Variants in FREM3 observed in about 807,000 individuals in gnomAD.
FREM3 encodes the protein FRAS1 related extracellular matrix 3, also known as FRAS1-related extracellular matrix protein 3.
A neutral mutation model predicts 129.1 loss-of-function variants in FREM3; 105 were observed. The ratio of observed to expected loss-of-function variants is 0.81; its 90% CI spans 0.69 to 0.96. The LOEUF is 0.96. FREM3 is among the 40% of genes least tolerant of loss of function. FREM3 has a pLI of 0.00. For missense variants in FREM3, 2,593 were observed against 2,666.3 expected (o/e 0.97, Z 0.61); for synonymous variants, 1,014 against 1,044.9 (o/e 0.97, Z 0.57).
At chr4:143,683,030 C>T (rs1375453747) in intron 2 of FREM3, among the ~76,000 whole-genome samples, 1 of 152,068 alleles carries the variant, frequency 6.6e-6, no homozygotes, top group African/African-American at 2.4e-5. Context: ...GAAAGATTCA[C>T]CCACTTCCGG....
In FREM3 at chr4:143,700,441, G is replaced by T. The variant is rs1578878191; in HGVS notation, c.235C>A (p.Leu79Ile). Reference protein sequence around the residue: ...LRVPLGRSLWLDPLRDLVIGV... With the variant: ...LRVPLGRSLWIDPLRDLVIGV... Reference sequence around the variant, plus strand: ...ATCACCAGATCCCGGAGCGGGTCGAGCCAAAGGGAACGACCCAGGGGCACC... The same window carrying T: ...ATCACCAGATCCCGGAGCGGGTCGATCCAAAGGGAACGACCCAGGGGCACC... Residue 79 changes from leucine (L) to isoleucine (I), a missense_variant, in exon 1 of 8, where the codon CTC becomes ATC. This residue lies in a region of FREM3 where 2,276 missense variants were observed against 2,267.2 expected (regional missense o/e 1.00). Coordinates refer to ENST00000329798, the MANE Select transcript of FREM3 (RefSeq NM_001168235.2). 6.5e-7 allele frequency: 1 copy of T among 1,527,382 alleles called. No individual in the cohort carries two copies. Among genetic ancestry groups the T allele is most frequent in the Non-Finnish European group, 8.8e-7 (1 of 1,141,684 alleles). 94.6% of individuals were successfully genotyped at this position (1,527,382 alleles called of 1,614,324 possible).
At chr4:143,616,656 G>A (rs562312130) in intron 5 of FREM3, among the ~76,000 whole-genome samples, 1 of 152,230 alleles carries the variant, frequency 6.6e-6, no homozygotes, top group South Asian at 2.1e-4. Flanking sequence ...AGCCGGGCGT[G>A]GTGGTGGGCA....
At chr4:143,596,334 T>C (rs1159388114) in intron 6 of FREM3, among the ~76,000 whole-genome samples, 1 of 152,150 alleles carries the variant, frequency 6.6e-6, no homozygotes, top group Non-Finnish European at 1.5e-5. Flanking sequence ...ATGTGAGACA[T>C]GATGATGATT....
intron 5 of FREM3, among the ~76,000 whole-genome samples, chr4:143,620,339 A>G (rs1026044707): frequency 6.6e-6 from 1 of 152,208 alleles, no homozygotes; most frequent in African/African-American, 2.4e-5. Flanking sequence ...GCCACATGAA[A>G]GTGATGGTGG....
chr4:143,674,102 C>T (rs1248417492), intron 2 of FREM3, among the ~76,000 whole-genome samples: 1 of 152,190 alleles, frequency 6.6e-6, no homozygotes, highest in Non-Finnish European at 1.5e-5. Context: ...CACTGTCCAG[C>T]ACCCACTGTC....
chr4:143,595,625 T>TCAC (rs1738457869), intron 6 of FREM3, among the ~76,000 whole-genome samples: 1 of 152,156 alleles, frequency 6.6e-6, no homozygotes, highest in Non-Finnish European at 1.5e-5. Context: ...CCGTGGCTCT[T>TCAC]GCCTGTAATC....
At position 143,700,021 on chromosome 4, in the gene FREM3, G is replaced by T; in HGVS notation, c.655C>A (p.Pro219Thr). The T allele has an allele frequency of 6.6e-7, 1 of 1,508,820 alleles. No individual in the cohort carries two copies. Among genetic ancestry groups the T allele is most frequent in the East Asian group, 2.5e-5 (1 of 40,590 alleles). 93.5% of individuals were successfully genotyped at this position (1,508,820 alleles called of 1,614,324 possible). ...ACCAAGCGCCCGTACTTGGGCAGGG[G>T]GCCGTCCTCGTGAGGAAGTGGGGTA... ...RLTPLPHEDGPLPKYGRLVDA... is the reference protein window; with the variant it reads ...RLTPLPHEDGTLPKYGRLVDA... The change falls in exon 1 of 8, where the codon CCC (proline) becomes ACC (threonine). Residue 219 changes from proline to threonine, a missense_variant. Pro to Thr is a conservative substitution (Grantham distance 38). Around this residue, in one of 2 missense-constraint regions of FREM3, gnomAD observed 2,276 missense variants for 2,267.2 expected, o/e 1.00. Coordinates refer to ENST00000329798, the MANE Select transcript of FREM3 (RefSeq NM_001168235.2).
In FREM3 at chr4:143,698,131, T is replaced by G. The variant is rs1740616082; in HGVS notation, c.2545A>C (p.Ser849Arg). ...GGGTCTGTAACATGCAGCTCATTAC[T>G]GCTGAGGTTAAAGCTGCCTCCCTCT... Reference protein sequence around the residue: ...ILEGGSFNLSSNELHVTDPDT... With the variant: ...ILEGGSFNLSRNELHVTDPDT... The change falls in exon 1 of 8, where the codon AGT becomes CGT. Residue 849 changes from serine (S) to arginine (R), a missense_variant. Physicochemically the swap from Ser to Arg is moderately radical, Grantham distance 110 (BLOSUM62 -1). This residue lies in a region of FREM3 where 2,276 missense variants were observed against 2,267.2 expected (regional missense o/e 1.00). Transcript: ENST00000329798. 6.5e-7 allele frequency: 1 copy of G among 1,537,480 alleles called. No individual in the cohort carries two copies. The highest frequency in any genetic ancestry group is 1.2e-5 in the South Asian group (1 of 84,066).
At chr4:143,693,829 G>C (rs999902335) in intron 1 of FREM3, among the ~76,000 whole-genome samples, 10 of 152,110 alleles carry the variant, frequency 6.6e-5, no homozygotes, top group African/African-American at 2.4e-4. Flanking sequence ...CAGGGACATG[G>C]ATAGAGCTGG....
chr4:143,590,795 A>G (rs12647080), intron 6 of FREM3, among the ~76,000 whole-genome samples: 55,687 of 151,916 alleles, frequency 0.37, 10,394 homozygotes, highest in African/African-American at 0.38. Flanking sequence ...ATTGATTGGA[A>G]TAGTTTCAGA....
chr4:143,604,327 A>G (rs72938292), intron 6 of FREM3, among the ~76,000 whole-genome samples: 11,642 of 152,058 alleles, frequency 0.077, 1,282 homozygotes, highest in African/African-American at 0.25. Flanking sequence ...TAGCAACGCA[A>G]AAGGACTAAG....
Position 143,586,815 on chromosome 4 carries a change from A to C in FREM3, c.6029-822T>G, listed in dbSNP as rs184287590. Among the ~76,000 whole-genome samples, 124 of 152,330 alleles carry C rather than the reference A, an allele frequency of 8.1e-4. 2 individuals are homozygous for C. The highest frequency in any genetic ancestry group is 2.8e-3 in the African/African-American group (117 of 41,582). On this transcript the variant is annotated intron_variant, in intron 6 of 7. Transcript: ENST00000329798. ...AACAATACCTACTATATGTACTGTC[A>C]TGAAAAAGATTTTGAGATGAATACT...
At chr4:143,669,200 T>C (rs1739920803) in intron 2 of FREM3, among the ~76,000 whole-genome samples, 1 of 152,188 alleles carries the variant, frequency 6.6e-6, no homozygotes, top group Non-Finnish European at 1.5e-5. Flanking sequence ...GAGAGGCCTG[T>C]GAACCAGAAA....
intron 2 of FREM3, among the ~76,000 whole-genome samples, chr4:143,665,555 A>G (rs1480781731): frequency 6.6e-6 from 1 of 152,116 alleles, no homozygotes; most frequent in Non-Finnish European, 1.5e-5. Flanking sequence ...GTGTTTCTTT[A>G]CATATTGAGG....
intron 6 of FREM3, among the ~76,000 whole-genome samples, chr4:143,587,497 G>A (rs1738263493): frequency 6.6e-6 from 1 of 152,104 alleles, no homozygotes; most frequent in Admixed American, 6.5e-5. Flanking sequence ...GGTACATAGT[G>A]GTGTTTTGAT....
intron 2 of FREM3, among the ~76,000 whole-genome samples, chr4:143,643,660 G>A (rs1431018606): frequency 1.3e-5 from 2 of 151,990 alleles, no homozygotes; most frequent in African/African-American, 4.8e-5. Context: ...AGACTGGGGA[G>A]GGCAGTTGGG....
At chr4:143,668,462 A>G (rs1316938922) in intron 2 of FREM3, among the ~76,000 whole-genome samples, 2 of 152,266 alleles carry the variant, frequency 1.3e-5, no homozygotes, top group Non-Finnish European at 2.9e-5. Context: ...TTGCATGTCT[A>G]TATCTAATAA....
At chr4:143,611,782 T>C (rs1023711767) in intron 5 of FREM3, among the ~76,000 whole-genome samples, 2 of 152,154 alleles carry the variant, frequency 1.3e-5, no homozygotes, top group African/African-American at 4.8e-5. Context: ...AGGGGCTAAA[T>C]AAACAAGATC....
At chr4:143,663,828 A>G (rs922208340) in intron 2 of FREM3, among the ~76,000 whole-genome samples, 4 of 151,546 alleles carry the variant, frequency 2.6e-5, no homozygotes, top group Non-Finnish European at 5.9e-5. Flanking sequence ...GCTTCATTTC[A>G]TTCATTTCAT....
Sources: allele counts gnomAD v4.1 joint callset (sites outside exome capture counted in the v4.1 genomes callset), GRCh38; gene constraint gnomAD v4.1.1; regional missense constraint gnomAD v4.1.1; transcripts MANE v1.5; gene names NCBI Gene and HGNC (gene_info 2026-07-23, HGNC 2026-07-21).